BMPR1B: variants seen among roughly 807,000 people sequenced by gnomAD.
BMPR1B encodes the protein bone morphogenetic protein receptor type 1B.
A neutral mutation model predicts 59.1 loss-of-function variants in BMPR1B; 12 were observed. That is an observed-to-expected ratio of 0.20 (90% confidence interval 0.13 to 0.33). The LOEUF (loss-of-function observed/expected upper bound fraction) is 0.33, where lower values mean the gene tolerates loss of function less well. BMPR1B is among the 10% of genes least tolerant of loss of function. The pLI, the probability that BMPR1B is intolerant of heterozygous loss-of-function variation, is 1.00. For synonymous variants in BMPR1B, 237 were observed against 207.3 expected (o/e 1.14, Z -1.23); for missense variants, 550 against 610.9 (o/e 0.90, Z 1.05).
chr4:94,863,111 G>C (rs2522531), intron 1 of BMPR1B, among the ~76,000 whole-genome samples: 12 of 151,848 alleles, frequency 7.9e-5, no homozygotes, highest in African/African-American at 2.9e-4. Flanking sequence ...AGTGAGACTC[G>C]TCTCAAAAAA....
chr4:95,113,674 G>A (rs1056217215), intron 4 of BMPR1B, among the ~76,000 whole-genome samples: 7 of 152,122 alleles, frequency 4.6e-5, no homozygotes, highest in Admixed American at 3.9e-4. Context: ...ATCACCCAAA[G>A]TTGTGAAGAT....
At chr4:95,106,926 A>AT (rs67979011) in intron 4 of BMPR1B, among the ~76,000 whole-genome samples, 164 of 144,066 alleles carry the variant, frequency 1.1e-3, no homozygotes, top group Middle Eastern at 3.5e-3. Flanking sequence ...ACATTTCTTC[A>AT]TTTTTTTTTT....
chr4:94,811,649 GAGTTTA>G (rs1244974746), intron 1 of BMPR1B, among the ~76,000 whole-genome samples: 2 of 152,056 alleles, frequency 1.3e-5, no homozygotes, highest in African/African-American at 4.8e-5. Flanking sequence ...CAAAATTCCG[GAGTTTA>G]AGTTCTAAGT....
chr4:95,091,951 ACT>A (rs753940215), intron 3 of BMPR1B, among the ~76,000 whole-genome samples: 5 of 152,162 alleles, frequency 3.3e-5, no homozygotes, highest in Non-Finnish European at 7.4e-5. Flanking sequence ...CATTTTCAAC[ACT>A]GTCAAGGTTA....
intron 2 of BMPR1B, among the ~76,000 whole-genome samples, chr4:94,915,742 C>T (rs1391673376): frequency 6.6e-6 from 1 of 152,086 alleles, no homozygotes. Flanking sequence ...GTCATCCTAC[C>T]AATAATTCCA....
intron 2 of BMPR1B, among the ~76,000 whole-genome samples, chr4:94,991,689 T>C (rs909427739): frequency 6.6e-6 from 1 of 152,186 alleles, no homozygotes; most frequent in Admixed American, 6.5e-5. Flanking sequence ...TAGTCCATGC[T>C]GTCAGAGACA....
intron 2 of BMPR1B, among the ~76,000 whole-genome samples, chr4:94,931,122 G>A (rs1013069798): frequency 6.6e-6 from 1 of 151,970 alleles, no homozygotes; most frequent in Admixed American, 6.6e-5. Context: ...CTTTATGCTT[G>A]GTAGCTAATT....
intron 8 of BMPR1B, 123 bp from the exon 9 acceptor site, chr4:95,129,739 A>T: frequency 1.1e-6 from 1 of 891,966 alleles, no homozygotes; most frequent in Non-Finnish European, 1.8e-6. Flanking sequence ...AGTTGTCTAT[A>T]TAGAGAAAAA....
chr4:95,138,211 C>G (rs1470296142), intron 10 of BMPR1B, among the ~76,000 whole-genome samples: 1 of 152,136 alleles, frequency 6.6e-6, no homozygotes, highest in Non-Finnish European at 1.5e-5. Flanking sequence ...ACATTCTTTT[C>G]TTTAAGAATG....
chr4:94,984,157 G>C lies in BMPR1B; in HGVS notation c.-112-11883G>C, dbSNP rs145086046. Among the ~76,000 whole-genome samples the C allele has an allele frequency of 8.5e-5, 13 of 152,332 alleles. No homozygotes were observed. In the East Asian group the frequency reaches 2.1e-3, roughly 25 times the overall value. ...AAACATTGTTGGTGCCAATAAGTCTGTGCACTGACTTCCAACTGATATGTG... is the reference window on the plus strand; with the variant it reads ...AAACATTGTTGGTGCCAATAAGTCTCTGCACTGACTTCCAACTGATATGTG... On this transcript the variant is annotated intron_variant, in intron 2 of 12. Transcript: ENST00000515059.
Position 95,148,774 on chromosome 4 carries a change from C to G in BMPR1B, c.1103C>G (p.Pro368Arg), listed in dbSNP as rs1286747826. The change falls in exon 11 of 13, where the codon CCT (proline) becomes CGT (arginine). Residue 368 changes from proline to arginine, a missense_variant. By Grantham distance (103) the Pro-to-Arg change is moderately radical. This residue lies in a region of BMPR1B where 318 missense variants were observed against 284.6 expected (regional missense o/e 1.12). Transcript: ENST00000515059. ...ISDTNEVDIP[P>R]NTRVGTKRYM... The stretch of plus-strand genomic sequence containing the variant: ...GATACAAATGAAGTTGACATACCAC[C>G]TAACACTCGAGTTGGCACCAAACGC... 6.2e-7 allele frequency: 1 copy of G among 1,613,978 alleles called. No homozygotes were observed. The highest frequency in any genetic ancestry group is 8.5e-7 in the Non-Finnish European group (1 of 1,179,928).
At chr4:94,944,873 C>T (rs182669028) in intron 2 of BMPR1B, among the ~76,000 whole-genome samples, 25 of 152,204 alleles carry the variant, frequency 1.6e-4, no homozygotes, top group African/African-American at 4.6e-4. Flanking sequence ...AGCTTTTTTC[C>T]GTGACATCAT....
intron 3 of BMPR1B, among the ~76,000 whole-genome samples, chr4:95,041,054 A>G (rs1296098635): frequency 6.6e-6 from 1 of 152,184 alleles, no homozygotes; most frequent in African/African-American, 2.4e-5. Flanking sequence ...TTAAGAATGT[A>G]TATAAAATAC....
At chr4:94,866,485 T>A (rs1159390824) in intron 1 of BMPR1B, among the ~76,000 whole-genome samples, 1 of 152,302 alleles carries the variant, frequency 6.6e-6, no homozygotes, top group Admixed American at 6.5e-5. Flanking sequence ...CCGTCCAAAA[T>A]CCTTCCCTGG....
chr4:94,910,367 G>A (rs1031633792), intron 2 of BMPR1B, among the ~76,000 whole-genome samples: 1 of 152,024 alleles, frequency 6.6e-6, no homozygotes, highest in African/African-American at 2.4e-5. Context: ...AATACACCAT[G>A]TCTCAGGTGA....
chr4:95,043,933 T>C (rs1725854136), intron 3 of BMPR1B, among the ~76,000 whole-genome samples: 1 of 152,234 alleles, frequency 6.6e-6, no homozygotes, highest in Admixed American at 6.5e-5. Flanking sequence ...TTGACTTGTC[T>C]TCAGTTTATT....
chr4:95,048,555 T>C (rs1726208166), intron 3 of BMPR1B, among the ~76,000 whole-genome samples: 1 of 152,194 alleles, frequency 6.6e-6, no homozygotes. Context: ...GATAGTGATG[T>C]TGAACATTCT....
At chr4:95,081,896 G>A (rs1367947129) in intron 3 of BMPR1B, among the ~76,000 whole-genome samples, 1 of 152,096 alleles carries the variant, frequency 6.6e-6, no homozygotes, top group Non-Finnish European at 1.5e-5. Context: ...ACGTTAAAGA[G>A]TTTTGCAAAA....
At chr4:95,071,755 C>T (rs1390340276) in intron 3 of BMPR1B, among the ~76,000 whole-genome samples, 6 of 149,798 alleles carry the variant, frequency 4.0e-5, no homozygotes, top group African/African-American at 1.2e-4. Context: ...AACCATAATT[C>T]AAGGGCCTGA....
Sources: allele counts gnomAD v4.1 joint callset (sites outside exome capture counted in the v4.1 genomes callset), GRCh38; gene constraint gnomAD v4.1.1; regional missense constraint gnomAD v4.1.1; transcripts MANE v1.5; gene names NCBI Gene and HGNC (gene_info 2026-07-23, HGNC 2026-07-21).